SLC5A11: variants seen among roughly 807,000 people sequenced by gnomAD.
SLC5A11 encodes the protein sodium/myo-inositol cotransporter 2.
In SLC5A11, 48 loss-of-function variants were observed where a neutral mutation model predicts 69.8. The ratio of observed to expected loss-of-function variants is 0.69; its 90% CI spans 0.55 to 0.87. The LOEUF (loss-of-function observed/expected upper bound fraction) is 0.87, where lower values mean the gene tolerates loss of function less well. SLC5A11 is among the 40% of genes least tolerant of loss of function. The probability of loss-of-function intolerance (pLI) is 0.00; values close to 1 mark genes in which losing one functional copy is unlikely to be tolerated. For synonymous variants in SLC5A11, 319 were observed against 342.4 expected (o/e 0.93, Z 0.75); for missense variants, 784 against 866.1 (o/e 0.91, Z 1.19).
intron 1 of SLC5A11, 193 bp downstream of exon 2, chr16:24,846,631 A>AGCAGCCG (rs2059025371): frequency 6.5e-6 from 1 of 152,688 alleles, no homozygotes; most frequent in South Asian, 2.1e-4. Context: ...GTATGAAGCC[A>AGCAGCCG]GCAGCCGGCA....
rs536102007 is a variant in SLC5A11, at chr16:24,859,993, T to C, written c.135+1215T>C. On this transcript the variant is annotated intron_variant, in intron 2 of 15. Transcript: ENST00000347898. ...GGTGAAATCCCATCTTTACTAAAAA[T>C]ACAAAAATTAGGCCAGGCGCGGTGG... 2.7e-5 allele frequency among the ~76,000 whole-genome samples: 4 copies of C among 149,212 alleles called. No individual in the cohort carries two copies. In the South Asian group the frequency reaches 8.5e-4, roughly 32 times the overall value.
chr16:24,904,863 C>T (rs1259208727), intron 10 of SLC5A11, among the ~76,000 whole-genome samples: 1 of 152,122 alleles, frequency 6.6e-6, no homozygotes, highest in Non-Finnish European at 1.5e-5. Context: ...TGGTGGTTTG[C>T]TGCACCAATC....
At chr16:24,870,809 G>A (rs2047248359) in intron 4 of SLC5A11, among the ~76,000 whole-genome samples, 1 of 148,490 alleles carries the variant, frequency 6.7e-6, no homozygotes, top group South Asian at 2.1e-4. Flanking sequence ...AAAAAAGGGT[G>A]TGTGAAGAAG....
intron 7 of SLC5A11, among the ~76,000 whole-genome samples, chr16:24,879,175 G>A (rs1036475485): frequency 6.6e-6 from 1 of 151,792 alleles, no homozygotes; most frequent in African/African-American, 2.4e-5. Context: ...TTCAGCTAAG[G>A]CCTCTCTAAG....
chr16:24,899,313 C>G (rs139361237), intron 10 of SLC5A11, among the ~76,000 whole-genome samples: 1 of 152,204 alleles, frequency 6.6e-6, no homozygotes, highest in African/African-American at 2.4e-5. Flanking sequence ...GGTTCCAGAG[C>G]AGTTCTCTGA....
chr16:24,868,040 G>A (rs557699963), intron 3 of SLC5A11, among the ~76,000 whole-genome samples: 2 of 151,386 alleles, frequency 1.3e-5, no homozygotes, highest in South Asian at 4.2e-4. Flanking sequence ...AGGAGGCTGA[G>A]ATAGGAGAAT....
chr16:24,867,911 C>T (rs1371758875), intron 3 of SLC5A11, among the ~76,000 whole-genome samples: 5 of 151,862 alleles, frequency 3.3e-5, no homozygotes, highest in Admixed American at 1.3e-4. Flanking sequence ...CTGAAGAGGG[C>T]GAATCACCTG....
intron 5 of SLC5A11, 41 bp downstream of exon 6, chr16:24,872,260 G>A: frequency 6.2e-7 from 1 of 1,610,194 alleles, no homozygotes; most frequent in Non-Finnish European, 8.5e-7. Context: ...ATTGAAAGAT[G>A]CTTTGGGAAT....
intron 1 of SLC5A11, among the ~76,000 whole-genome samples, chr16:24,852,834 CATAGCTGATGCCTAATAAAT>C (rs2059368854): frequency 6.6e-6 from 1 of 151,310 alleles, no homozygotes; most frequent in Non-Finnish European, 1.5e-5. Context: ...GAGCATGGCA[CATAGCTGATGCCTAATAAAT>C]GTTTGTTCTA....
At chr16:24,871,542 G>A (rs1251737978) in intron 4 of SLC5A11, among the ~76,000 whole-genome samples, 2 of 152,020 alleles carry the variant, frequency 1.3e-5, no homozygotes, top group East Asian at 3.9e-4. Context: ...CAAAGTGCTG[G>A]GATTACAGGC....
exon 14 of SLC5A11, chr16:24,908,945 T>C: frequency 1.2e-6 from 2 of 1,614,124 alleles, no homozygotes; most frequent in South Asian, 1.1e-5. Context: ...CTGGACTTTA[T>C]TTACGTGCAG....
At chr16:24,907,935 A>G (rs780285560) in intron 12 of SLC5A11, 28 bp from the exon 14 acceptor site, 2 of 1,612,806 alleles carry the variant, frequency 1.2e-6, no homozygotes, top group African/African-American at 1.3e-5. Flanking sequence ...AGATGATGCT[A>G]ATTTGTGCCT....
At chr16:24,876,610 CAAT>C (rs749086194) in intron 6 of SLC5A11, among the ~76,000 whole-genome samples, 54 of 152,272 alleles carry the variant, frequency 3.5e-4, no homozygotes, top group Non-Finnish European at 4.6e-4. Flanking sequence ...ATCCAAACAA[CAAT>C]AAGTGAATCT....
intron 4 of SLC5A11, among the ~76,000 whole-genome samples, chr16:24,871,284 T>C (rs559682764): frequency 3.9e-5 from 6 of 152,260 alleles, no homozygotes; most frequent in Admixed American, 3.9e-4. Context: ...TTTGTTTTGT[T>C]TTTTGAGACA....
At chr16:24,910,270 C>T in intron 14 of SLC5A11, 36 bp from the exon 16 acceptor site, 1 of 1,604,536 alleles carries the variant, frequency 6.2e-7, no homozygotes. Context: ...GGCCCCACCT[C>T]CACCACAAAT....
intron 10 of SLC5A11, among the ~76,000 whole-genome samples, chr16:24,905,636 GCGCGCACA>G (rs1273362586): frequency 5.1e-5 from 4 of 78,204 alleles, no homozygotes; most frequent in South Asian, 3.6e-4. Flanking sequence ...ACACGCGCGC[GCGCGCACA>G]CACACACACA....
chr16:24,854,026 G>C (rs946162268), intron 1 of SLC5A11, among the ~76,000 whole-genome samples: 13 of 152,056 alleles, frequency 8.5e-5, no homozygotes, highest in African/African-American at 2.2e-4. Flanking sequence ...GAAGGGCTTG[G>C]AATCGGTGCC....
intron 15 of SLC5A11, among the ~76,000 whole-genome samples, chr16:24,910,942 G>A (rs916299942): frequency 2.6e-5 from 4 of 151,878 alleles, no homozygotes; most frequent in African/African-American, 9.7e-5. Context: ...GCCGAGGTGG[G>A]TGCATCACTT....
At chr16:24,911,189 G>GAA (rs2050497520) in intron 15 of SLC5A11, 139 bp from the exon 17 acceptor site, 1 of 714,614 alleles carries the variant, frequency 1.4e-6, no homozygotes, top group African/African-American at 2.0e-5. Context: ...AAAAAAAAGG[G>GAA]AGATTTCAGT....
Sources: allele counts gnomAD v4.1 joint callset (sites outside exome capture counted in the v4.1 genomes callset), GRCh38; gene constraint gnomAD v4.1.1; transcripts MANE v1.5; gene names NCBI Gene and HGNC (gene_info 2026-07-23, HGNC 2026-07-21).